The following BICDL1 variants were observed in gnomAD, a reference collection of about 807,000 sequenced individuals.
The protein encoded by BICDL1 is BICD family-like cargo adapter 1.
Under a neutral mutation model 76.8 loss-of-function variants are expected in BICDL1, and 20 were observed. The ratio of observed to expected loss-of-function variants is 0.26; its 90% CI spans 0.18 to 0.38. The LOEUF (loss-of-function observed/expected upper bound fraction) is 0.38, where lower values mean the gene tolerates loss of function less well. Among genes scored for constraint, BICDL1 ranks in the 10% least tolerant of loss-of-function variants. The pLI, the probability that BICDL1 is intolerant of heterozygous loss-of-function variation, is 1.00. For missense variants in BICDL1, 700 were observed against 798.6 expected (o/e 0.88, Z 1.49); for synonymous variants, 383 against 337.1 (o/e 1.14, Z -1.49).
At chr12:120,047,340 G>A (rs1160040505) in intron 2 of BICDL1, among the ~76,000 whole-genome samples, 1 of 152,124 alleles carries the variant, frequency 6.6e-6, no homozygotes, top group Admixed American at 6.6e-5. Context: ...TTAAAAAGGG[G>A]TAATGAAATG....
intron 2 of BICDL1, among the ~76,000 whole-genome samples, chr12:120,032,864 A>T (rs1399887582): frequency 6.7e-6 from 1 of 149,816 alleles, no homozygotes; most frequent in African/African-American, 2.5e-5. Flanking sequence ...CTCCTGCCTC[A>T]GCCTCCCAAG....
chr12:120,004,941 C>T (rs989588404), intron 2 of BICDL1, among the ~76,000 whole-genome samples: 3 of 152,262 alleles, frequency 2.0e-5, no homozygotes, highest in South Asian at 2.1e-4. Context: ...CCTGTCTCAG[C>T]CTCCTGAGTA....
chr12:120,091,242 C>T lies in BICDL1; in HGVS notation c.1704+1171C>T, dbSNP rs376354011. On this transcript the variant is annotated intron_variant, in intron 9 of 9. Coordinates refer to ENST00000548673, the MANE Select transcript of BICDL1 (RefSeq NM_001367886.1). ...GTGCTAACGGCTGGTGCCGTCTTCT[C>T]ATAGATGGCTGTTCCATCCACTGAG... The T allele has an allele frequency of 2.5e-4, 286 of 1,155,440 alleles. 2 individuals are homozygous for T. The African/African-American group carries it at 3.2e-3, about 13-fold the overall frequency. 71.6% of individuals were successfully genotyped at this position (1,155,440 alleles called of 1,614,324 possible).
intron 8 of BICDL1, among the ~76,000 whole-genome samples, chr12:120,087,493 C>T (rs990386864): frequency 1.8e-4 from 27 of 152,234 alleles, no homozygotes; most frequent in African/African-American, 5.5e-4. Context: ...TCGGTTAGTG[C>T]GGTCGGTGTT....
chr12:119,990,847 C>A (rs1951506315), intron 1 of BICDL1, among the ~76,000 whole-genome samples: 3 of 152,136 alleles, frequency 2.0e-5, no homozygotes, highest in Admixed American at 2.0e-4. Context: ...AGAAATCAGG[C>A]GAGCCAGGGC....
intron 2 of BICDL1, among the ~76,000 whole-genome samples, chr12:120,030,668 A>G (rs1266705431): frequency 6.6e-6 from 1 of 152,250 alleles, no homozygotes; most frequent in East Asian, 1.9e-4. Flanking sequence ...TTCAGGTTGC[A>G]AGTGCAGGAT....
intron 2 of BICDL1, among the ~76,000 whole-genome samples, chr12:120,008,889 TA>T (rs1339612505): frequency 6.6e-6 from 1 of 152,008 alleles, no homozygotes. Flanking sequence ...GTGCTATTGC[TA>T]ATTAGTAGGT....
intron 2 of BICDL1, among the ~76,000 whole-genome samples, chr12:120,019,544 A>T (rs1449469064): frequency 6.6e-6 from 1 of 152,202 alleles, no homozygotes. Flanking sequence ...TTTCATAGGT[A>T]AATAACAGAG....
chr12:120,028,939 G>T (rs1434985042), intron 2 of BICDL1, among the ~76,000 whole-genome samples: 5 of 152,136 alleles, frequency 3.3e-5, no homozygotes, highest in Non-Finnish European at 7.4e-5. Flanking sequence ...AGCTATTTAG[G>T]CAGAATCTAC....
In BICDL1 at chr12:119,989,674, A is replaced by C. The variant is rs992792783; in HGVS notation, c.-195A>C. Among the ~76,000 whole-genome samples, 1 of 141,238 alleles carries C rather than the reference A, an allele frequency of 7.1e-6. No individual in the cohort carries two copies. The highest frequency in any genetic ancestry group is 6.9e-5 in the Admixed American group (1 of 14,504). 92.7% of individuals were successfully genotyped at this position (141,238 alleles called of 152,430 possible). A position where few individuals can be genotyped will look rare whatever the true frequency, so the allele number is the denominator to read the frequency against. On this transcript the variant is annotated 5_prime_UTR_variant, in exon 1 of 10. Coordinates refer to ENST00000548673, the MANE Select transcript of BICDL1 (RefSeq NM_001367886.1). ...GAGCAGCTGAGCCCGGGGGCGGGGG[A>C]GGGGGCGCGTGCCGCCGGCGCGGGG...
At chr12:120,065,488 C>T (rs1335619332) in intron 4 of BICDL1, among the ~76,000 whole-genome samples, 2 of 152,162 alleles carry the variant, frequency 1.3e-5, no homozygotes, top group African/African-American at 4.8e-5. Flanking sequence ...CAGCTGAATC[C>T]CCAAGCTCAC....
intron 2 of BICDL1, among the ~76,000 whole-genome samples, chr12:120,006,278 TAAGC>T (rs1377499118): frequency 5.3e-5 from 8 of 152,338 alleles, no homozygotes; most frequent in Admixed American, 1.3e-4. Flanking sequence ...AATTATTTGT[TAAGC>T]AAGACGTATT....
At chr12:120,066,851 G>T in intron 4 of BICDL1, among the ~76,000 whole-genome samples, 1 of 152,186 alleles carries the variant, frequency 6.6e-6, no homozygotes, top group East Asian at 1.9e-4. Flanking sequence ...GCAGCTGAAT[G>T]ATCCTAAACC....
intron 2 of BICDL1, among the ~76,000 whole-genome samples, chr12:120,011,784 C>CAT (rs34759386): frequency 0.22 from 33,264 of 151,948 alleles, 3,900 homozygotes; most frequent in East Asian, 0.4. Context: ...CCCATAAAGT[C>CAT]CAACAGCATT....
At position 120,057,180 on chromosome 12, in the gene BICDL1, T is replaced by G. The variant is rs533069988; in HGVS notation, c.646-4530T>G. Reference sequence around the variant, plus strand: ...GAGAAATTACATGGACAAGTACTACTAGGACTTGTAAGTTTGTAGAGACAG... The same window carrying G: ...GAGAAATTACATGGACAAGTACTACGAGGACTTGTAAGTTTGTAGAGACAG... On this transcript the variant is annotated intron_variant, in intron 2 of 9. Coordinates refer to ENST00000548673, the MANE Select transcript of BICDL1 (RefSeq NM_001367886.1). The G allele has an allele frequency of 6.0e-6, 3 of 501,066 alleles. No individual in the cohort carries two copies. The Admixed American group carries it at 6.0e-5, about 10-fold the overall frequency. The allele number at this position is 501,066 out of a possible 1,614,324, so 31.0% of individuals were successfully genotyped here.
At chr12:120,011,036 T>C (rs896951762) in intron 2 of BICDL1, among the ~76,000 whole-genome samples, 1 of 152,264 alleles carries the variant, frequency 6.6e-6, no homozygotes. Flanking sequence ...CACCAACTTT[T>C]AGTAGCCTAA....
At chr12:120,009,909 A>G (rs1050439252) in intron 2 of BICDL1, among the ~76,000 whole-genome samples, 4 of 152,236 alleles carry the variant, frequency 2.6e-5, no homozygotes, top group African/African-American at 9.6e-5. Flanking sequence ...GTCCAGTGCT[A>G]TTATAAGTGT....
At chr12:120,025,286 G>A (rs772133389) in intron 2 of BICDL1, among the ~76,000 whole-genome samples, 32 of 151,554 alleles carry the variant, frequency 2.1e-4, no homozygotes, top group Non-Finnish European at 3.8e-4. Context: ...TCCTGACCTC[G>A]TGATCCGCCC....
intron 8 of BICDL1, among the ~76,000 whole-genome samples, chr12:120,086,303 G>A (rs1166531355): frequency 2.0e-5 from 3 of 152,166 alleles, no homozygotes; most frequent in Non-Finnish European, 1.5e-5. Context: ...GAATTGAGAC[G>A]ACAAGCCTAA....
Sources: allele counts gnomAD v4.1 joint callset (sites outside exome capture counted in the v4.1 genomes callset), GRCh38; gene constraint gnomAD v4.1.1; transcripts MANE v1.5; gene names NCBI Gene and HGNC (gene_info 2026-07-23, HGNC 2026-07-21).